Variants in GALNTL6 observed in about 807,000 individuals in gnomAD.
GALNTL6 encodes polypeptide N-acetylgalactosaminyltransferase-like 6.
In GALNTL6, 46 loss-of-function variants were observed where a neutral mutation model predicts 73.7. The ratio of observed to expected loss-of-function variants is 0.62; its 90% CI spans 0.49 to 0.80. The LOEUF (loss-of-function observed/expected upper bound fraction) is 0.80. Ranked by LOEUF, GALNTL6 falls within the 30% of genes least tolerant of loss-of-function variation. The pLI, the probability that GALNTL6 is intolerant of heterozygous loss-of-function variation, is 0.00. For missense variants in GALNTL6, 604 were observed against 755.0 expected (o/e 0.80, Z 2.34); for synonymous variants, 259 against 263.7 (o/e 0.98, Z 0.17).
At chr4:172,331,560 G>A (rs1332417640) in intron 4 of GALNTL6, among the ~76,000 whole-genome samples, 1 of 152,090 alleles carries the variant, frequency 6.6e-6, no homozygotes, top group African/African-American at 2.4e-5. Flanking sequence ...CTATCCACTG[G>A]CAACCATTCT....
Position 172,587,750 on chromosome 4 carries a change from C to G in GALNTL6, c.554-221611C>G, listed in dbSNP as rs187176493. Among the ~76,000 whole-genome samples the G allele has an allele frequency of 2.2e-3, 341 of 152,262 alleles. 1 individual carries two copies. Among genetic ancestry groups the G allele is most frequent in the African/African-American group, 7.9e-3 (328 of 41,550 alleles). ...AGAAGCTTTTTGTGAACCATCACCA[C>G]CCTCACCACTAGACTAGTGTGTGTG... On this transcript the variant is annotated intron_variant, in intron 5 of 12. Coordinates refer to ENST00000506823, the MANE Select transcript of GALNTL6 (RefSeq NM_001034845.3).
intron 2 of GALNTL6, among the ~76,000 whole-genome samples, chr4:171,904,964 A>G (rs1207030975): frequency 6.6e-6 from 1 of 152,190 alleles, no homozygotes; most frequent in Non-Finnish European, 1.5e-5. Flanking sequence ...TGTCACCACC[A>G]GGCCTGCCCT....
intron 7 of GALNTL6, among the ~76,000 whole-genome samples, chr4:172,853,835 TATTC>T (rs1461652220): frequency 6.6e-6 from 1 of 152,224 alleles, no homozygotes; most frequent in Non-Finnish European, 1.5e-5. Flanking sequence ...GTCTGCCAAA[TATTC>T]TATGTAGTAT....
intron 6 of GALNTL6, among the ~76,000 whole-genome samples, chr4:172,810,458 T>TA (rs1741232165): frequency 6.6e-6 from 1 of 152,176 alleles, no homozygotes; most frequent in East Asian, 1.9e-4. Flanking sequence ...ACTTTTATTG[T>TA]AAAAATATCC....
chr4:172,602,227 G>A (rs1456483393), intron 5 of GALNTL6, among the ~76,000 whole-genome samples: 1 of 152,004 alleles, frequency 6.6e-6, no homozygotes, highest in Non-Finnish European at 1.5e-5. Context: ...CTTTAGGATG[G>A]GTGAAAATGA....
chr4:172,731,147 G>A (rs1579407399), intron 5 of GALNTL6, among the ~76,000 whole-genome samples: 1 of 151,700 alleles, frequency 6.6e-6, no homozygotes, highest in African/African-American at 2.4e-5. Flanking sequence ...TAAATATATG[G>A]TATAATTCAA....
At chr4:172,126,689 G>C (rs1242617463) in intron 2 of GALNTL6, among the ~76,000 whole-genome samples, 1 of 152,120 alleles carries the variant, frequency 6.6e-6, no homozygotes, top group Non-Finnish European at 1.5e-5. Context: ...GCTGCTTGGA[G>C]ACCACACAAA....
intron 2 of GALNTL6, among the ~76,000 whole-genome samples, chr4:172,205,675 T>C (rs1736087221): frequency 6.6e-6 from 1 of 152,216 alleles, no homozygotes; most frequent in Non-Finnish European, 1.5e-5. Flanking sequence ...TCAGAGAAGC[T>C]ACTGCGATGT....
At chr4:171,989,009 G>C (rs974848012) in intron 2 of GALNTL6, among the ~76,000 whole-genome samples, 4 of 151,974 alleles carry the variant, frequency 2.6e-5, no homozygotes, top group East Asian at 1.9e-4. Flanking sequence ...GGCCTAATAA[G>C]GGAACTGGGC....
At position 172,775,676 on chromosome 4, in the gene GALNTL6, C is replaced by G. The variant is rs186876231; in HGVS notation, c.554-33685C>G. Among the ~76,000 whole-genome samples, 4 of 152,164 alleles carry G rather than the reference C, an allele frequency of 2.6e-5. No individual in the cohort carries two copies. The East Asian group carries it at 7.7e-4, about 29-fold the overall frequency. ...TAATGCTGAATTCCTTGTGTTTATG[C>G]CTTTTTGTTTTGTCTTCCTTTTGAA... On this transcript the variant is annotated intron_variant, in intron 5 of 12. Transcript: ENST00000506823.
intron 10 of GALNTL6, among the ~76,000 whole-genome samples, chr4:172,998,550 A>G (rs1751897301): frequency 6.6e-6 from 1 of 151,834 alleles, no homozygotes; most frequent in African/African-American, 2.4e-5. Context: ...TTCACCTTCC[A>G]TTTTTTTCTC....
intron 11 of GALNTL6, among the ~76,000 whole-genome samples, chr4:173,010,573 G>T (rs1752501753): frequency 6.6e-6 from 1 of 150,718 alleles, no homozygotes; most frequent in Non-Finnish European, 1.5e-5. Context: ...TTTTTAGTGT[G>T]TTTTTTTTGT....
At chr4:171,900,003 A>G (rs1659551727) in intron 2 of GALNTL6, among the ~76,000 whole-genome samples, 1 of 152,120 alleles carries the variant, frequency 6.6e-6, no homozygotes, top group African/African-American at 2.4e-5. Context: ...TTATTCTTTG[A>G]CTTCTATTCT....
chr4:171,950,546 T>C (rs1738844930), intron 2 of GALNTL6, among the ~76,000 whole-genome samples: 2 of 151,100 alleles, frequency 1.3e-5, no homozygotes, highest in Non-Finnish European at 3.0e-5. Context: ...AGTGGCTCGA[T>C]CTTGGCTCAC....
chr4:172,373,359 A>T lies in GALNTL6; in HGVS notation c.553+24670A>T, dbSNP rs1742896693. 2.0e-5 allele frequency among the ~76,000 whole-genome samples: 3 copies of T among 152,196 alleles called. No individual in the cohort carries two copies. The South Asian group carries it at 6.2e-4, about 32-fold the overall frequency. ...GGGAATAGGGGTTGGGTACAACTGG[A>T]TATAGAGGAGTTACTGCCTCATTGG... On this transcript the variant is annotated intron_variant, in intron 5 of 12. Transcript: ENST00000506823.
At chr4:172,722,083 G>A (rs1189227245) in intron 5 of GALNTL6, among the ~76,000 whole-genome samples, 1 of 151,452 alleles carries the variant, frequency 6.6e-6, no homozygotes, top group African/African-American at 2.4e-5. Context: ...CTGTCAATGT[G>A]ATCAGTCTAT....
At chr4:171,850,417 G>A (rs952148303) in intron 2 of GALNTL6, among the ~76,000 whole-genome samples, 1 of 152,186 alleles carries the variant, frequency 6.6e-6, no homozygotes, top group Non-Finnish European at 1.5e-5. Context: ...AATCAAAGCT[G>A]TTGTTATGGC....
At chr4:172,468,575 A>C (rs542583054) in intron 5 of GALNTL6, among the ~76,000 whole-genome samples, 2 of 152,326 alleles carry the variant, frequency 1.3e-5, no homozygotes, top group South Asian at 4.1e-4. Flanking sequence ...AAATGTTAGA[A>C]ACTATTTGAT....
At chr4:172,317,305 A>G (rs992341352) in intron 4 of GALNTL6, among the ~76,000 whole-genome samples, 10 of 152,218 alleles carry the variant, frequency 6.6e-5, no homozygotes, top group African/African-American at 2.4e-4. Flanking sequence ...AACAAGTCCA[A>G]TTGCGTTTTG....
Sources: allele counts gnomAD v4.1 joint callset (sites outside exome capture counted in the v4.1 genomes callset), GRCh38; gene constraint gnomAD v4.1.1; transcripts MANE v1.5; gene names NCBI Gene and HGNC (gene_info 2026-07-23, HGNC 2026-07-21).